The following MLH3 variants were observed in gnomAD, a reference collection of about 807,000 sequenced individuals.
MLH3 encodes mutL homolog 3, also known as DNA mismatch repair protein Mlh3.
In MLH3, 82 loss-of-function variants were observed where a neutral mutation model predicts 122.2. The observed-to-expected ratio is 0.67, with a 90% confidence interval of 0.56 to 0.81. MLH3 has a LOEUF of 0.81. Among genes scored for constraint, MLH3 ranks in the 30% least tolerant of loss-of-function variants. The pLI is 0.00. For synonymous variants in MLH3, 524 were observed against 599.5 expected, an observed-to-expected ratio of 0.87 and a Z score of 1.84; for missense variants, 1,539 against 1,714.5, an observed-to-expected ratio of 0.90 and a Z score of 1.81.
rs768009140 is a variant in MLH3 at position 75,047,917 on chromosome 14, T to C, written c.1739A>G (p.Glu580Gly). The part of the protein sequence containing the change: ...TLWGVHSAQT[E>G]KEKKKESSNC... ...GCTAGATTCTTTTTTTTTCTCTTTCTCTGTCTGAGCACTATGTACTCCCCA... is the reference window on the plus strand; with the variant it reads ...GCTAGATTCTTTTTTTTTCTCTTTCCCTGTCTGAGCACTATGTACTCCCCA... The change falls in exon 2 of 13, where the codon GAG (glutamate) becomes GGG (glycine). Residue 580 changes from glutamate (E) to glycine (G), a missense_variant. Glu to Gly is a moderately conservative substitution (Grantham distance 98). Transcript: ENST00000355774. 6.2e-6 allele frequency: 10 copies of C among 1,613,690 alleles called. No homozygotes were observed. In the African/African-American group the frequency reaches 1.1e-4, roughly 17 times the overall value.
At chr14:75,022,768 C>T in intron 11 of MLH3, 46 bp downstream of exon 11, 2 of 1,552,108 alleles carry the variant, frequency 1.3e-6, no homozygotes, top group Non-Finnish European at 1.8e-6. Context: ...CCTGCCAGGG[C>T]TCTGCATGCA....
Position 75,023,031 on chromosome 14 carries a change from AGGAAAATC to A in MLH3, c.3988-21_3988-14del. 1 of 1,614,210 alleles carries A rather than the reference AGGAAAATC, an allele frequency of 6.2e-7. No homozygotes were observed. Among genetic ancestry groups the A allele is most frequent in the African/African-American group, 1.3e-5 (1 of 75,060 alleles). Reference sequence around the variant, plus strand: ...CTCGGATAAATTCCTGCAAAGCAAAAGGAAAATCGGCTTTAATCTACGGTTATGTTTTA... The same window carrying A: ...CTCGGATAAATTCCTGCAAAGCAAAAGGCTTTAATCTACGGTTATGTTTTA... On this transcript the variant is annotated splice_polypyrimidine_tract_variant and intron_variant, in intron 9 of 12. Coordinates refer to ENST00000355774, the MANE Select transcript of MLH3 (RefSeq NM_001040108.2).
At chr14:75,036,327 T>C (rs1022414544) in intron 6 of MLH3, among the ~76,000 whole-genome samples, 15 of 151,732 alleles carry the variant, frequency 9.9e-5, no homozygotes, top group Admixed American at 9.2e-4. Context: ...ACTTGTAATA[T>C]CCAACCACAT....
At chr14:75,034,210 CAA>C in intron 6 of MLH3, among the ~76,000 whole-genome samples, 1 of 145,488 alleles carries the variant, frequency 6.9e-6, no homozygotes, top group East Asian at 2.0e-4. Flanking sequence ...AAAAAAAAGT[CAA>C]AGTGGCATTT....
At position 75,041,635 on chromosome 14, in the gene MLH3, C is replaced by T; in HGVS notation, c.3445G>A (p.Val1149Ile). 7 of 1,613,480 alleles carry T rather than the reference C, an allele frequency of 4.3e-6. No homozygotes were observed. The highest frequency in any genetic ancestry group is 5.9e-6 in the Non-Finnish European group (7 of 1,179,712). ...QSLFSEWDNPVFARYPEVAVD... is the reference protein window; with the variant it reads ...QSLFSEWDNPIFARYPEVAVD... ...CCCACCTCTGGATAACGGGCAAATA[C>T]TGGATTGTCCCATTCTGAGAACAAA... Residue 1149 changes from valine to isoleucine, a missense_variant, in exon 4 of 13, where the codon GTA (valine) becomes ATA (isoleucine). Coordinates refer to ENST00000355774, the MANE Select transcript of MLH3 (RefSeq NM_001040108.2).
chr14:75,030,719 A>C lies in MLH3; in HGVS notation c.3828-17T>G, dbSNP rs1377820706. On this transcript the variant is annotated splice_polypyrimidine_tract_variant and intron_variant, in intron 8 of 12. Coordinates refer to ENST00000355774, the MANE Select transcript of MLH3 (RefSeq NM_001040108.2). The stretch of plus-strand genomic sequence containing the variant: ...TGGTAACACCTAAAGAGATAACCTC[A>C]AATGTTAAAAAAAAAAAGAGTGCTA... The C allele has an allele frequency of 6.2e-7, 1 of 1,608,852 alleles. No individual in the cohort carries two copies. The highest frequency in any genetic ancestry group is 1.3e-5 in the African/African-American group (1 of 74,738).
At chr14:75,035,214 G>C (rs1012552567) in intron 6 of MLH3, among the ~76,000 whole-genome samples, 6 of 151,234 alleles carry the variant, frequency 4.0e-5, no homozygotes, top group African/African-American at 1.5e-4. Context: ...AAGAATTCCA[G>C]ATAATGAAAA....
intron 9 of MLH3, among the ~76,000 whole-genome samples, chr14:75,025,594 T>C (rs1890577800): frequency 6.6e-6 from 1 of 152,146 alleles, no homozygotes; most frequent in African/African-American, 2.4e-5. Flanking sequence ...CTCTTTTGTC[T>C]CTTCCTTTTC....
rs1261432565 is a variant in MLH3, at chr14:75,046,987, A to T, written c.2669T>A (p.Met890Lys). ...TTCATTAAAACGACTCATCATCCCC[A>T]TTGTTTGAGTTTCTCTTTCGGAACC... ...LKGSERETQT[M>K]GMMSRFNELP... The change falls in exon 2 of 13, where the codon ATG becomes AAG. Residue 890 changes from methionine (M) to lysine (K), a missense_variant. Transcript: ENST00000355774. 1 of 1,614,006 alleles carries T rather than the reference A, an allele frequency of 6.2e-7. No individual in the cohort carries two copies. Among genetic ancestry groups the T allele is most frequent in the Non-Finnish European group, 8.5e-7 (1 of 1,180,024 alleles).
At chr14:75,036,972 A>C (rs1040731078) in intron 6 of MLH3, among the ~76,000 whole-genome samples, 11 of 152,136 alleles carry the variant, frequency 7.2e-5, no homozygotes, top group African/African-American at 2.7e-4. Context: ...TCCACACTAC[A>C]ACCAGAGCAA....
Position 75,049,126 on chromosome 14 carries a change from G to C in MLH3, c.530C>G (p.Ala177Gly), listed in dbSNP as rs1483689262. 6.2e-7 allele frequency: 1 copy of C among 1,614,152 alleles called. No homozygotes were observed. Among genetic ancestry groups the C allele is most frequent in the South Asian group, 1.1e-5 (1 of 91,084 alleles). The change falls in exon 2 of 13, where the codon GCT becomes GGT. Residue 177 changes from alanine (A) to glycine (G), a missense_variant. By Grantham distance (60) the Ala-to-Gly change is moderately conservative (BLOSUM62 0). Coordinates refer to ENST00000355774, the MANE Select transcript of MLH3 (RefSeq NM_001040108.2). ...AATGGAAGGGTGCATGAGTGAGAGA[G>C]CTTCTATTCTCTGCCTAACCTTCTC... ...EFEKVRQRIE[A>G]LSLMHPSISF...
chr14:75,019,090 T>C, intron 11 of MLH3, 110 bp from the exon 12 acceptor site: 2 of 1,006,610 alleles, frequency 2.0e-6, no homozygotes, highest in Non-Finnish European at 3.0e-6. Context: ...CTTAGGCTTC[T>C]TTAATGAAGC....
At chr14:75,027,664 TAA>T (rs56986784) in intron 9 of MLH3, among the ~76,000 whole-genome samples, 33 of 30,908 alleles carry the variant, frequency 1.1e-3, no homozygotes, top group African/African-American at 4.2e-3. Context: ...TTTACTTCAG[TAA>T]AAAAAAAAAA....
At position 75,047,454 on chromosome 14, in the gene MLH3, A is replaced by G; in HGVS notation, c.2202T>C (p.Ile734=). ...SNDSRKTDKL[I]GFSKPIVRKK... is the part of the protein sequence containing the mutation. ...TACGGACGATTGGTTTGGAGAAACCAATTAATTTATCTGTTTTCCTACTAT... is the reference window on the plus strand; with the variant it reads ...TACGGACGATTGGTTTGGAGAAACCGATTAATTTATCTGTTTTCCTACTAT... The change falls in exon 2 of 13, where the codon ATT becomes ATC. Residue 734 remains isoleucine (I), a synonymous_variant. Transcript: ENST00000355774. 4 of 1,614,108 alleles carry G rather than the reference A, an allele frequency of 2.5e-6. No homozygotes were observed. Among genetic ancestry groups the G allele is most frequent in the Non-Finnish European group, 3.4e-6 (4 of 1,179,998 alleles).
intron 11 of MLH3, among the ~76,000 whole-genome samples, chr14:75,021,539 AAAG>A (rs1235933176): frequency 3.3e-5 from 5 of 152,366 alleles, no homozygotes; most frequent in Non-Finnish European, 5.9e-5. Context: ...ACACTTCTCA[AAAG>A]AAGACATACA....
At chr14:75,050,885 T>A (rs1892608983) in intron 1 of MLH3, 1 of 152,188 alleles carries the variant, frequency 6.6e-6, no homozygotes, top group African/African-American at 2.4e-5. Flanking sequence ...GGTCTCCCCT[T>A]CTTCTCCATC....
Position 75,030,717 on chromosome 14 carries a change from T to G in MLH3, c.3828-15A>C, listed in dbSNP as rs200169541. On this transcript the variant is annotated splice_polypyrimidine_tract_variant and intron_variant, in intron 8 of 12. Transcript: ENST00000355774. ...TGTGGTAACACCTAAAGAGATAACC[T>G]CAAATGTTAAAAAAAAAAAGAGTGC... 1.2e-4 allele frequency: 188 copies of G among 1,606,228 alleles called. No individual in the cohort carries two copies. Among genetic ancestry groups the G allele is most frequent in the Non-Finnish European group, 1.5e-4 (181 of 1,173,326 alleles).
At chr14:75,040,168 G>A (rs745956716) in intron 4 of MLH3, among the ~76,000 whole-genome samples, 153 bp from the exon 5 acceptor site, 43 of 151,468 alleles carry the variant, frequency 2.8e-4, no homozygotes, top group Admixed American at 9.9e-4. Context: ...CAAAAGAATC[G>A]GCCGGGCGTG....
rs1410225237 is a variant in MLH3 at position 75,048,233 on chromosome 14, T to C, written c.1423A>G (p.Thr475Ala). 1 of 1,613,664 alleles carries C rather than the reference T, an allele frequency of 6.2e-7. No individual in the cohort carries two copies. The highest frequency in any genetic ancestry group is 1.3e-5 in the African/African-American group (1 of 74,910). Residue 475 changes from threonine (T) to alanine (A), a missense_variant, in exon 2 of 13, where the codon ACA becomes GCA. Thr to Ala is a moderately conservative substitution (Grantham distance 58). Coordinates refer to ENST00000355774, the MANE Select transcript of MLH3 (RefSeq NM_001040108.2). ...CSESKMLEQE[T>A]IVASEAGENE... Reference sequence around the variant, plus strand: ...TCTCCAGCTTCTGATGCTACAATTGTCTCTTGTTCTAACATCTTTGATTCT... The same window carrying C: ...TCTCCAGCTTCTGATGCTACAATTGCCTCTTGTTCTAACATCTTTGATTCT...
Sources: allele counts gnomAD v4.1 joint callset (sites outside exome capture counted in the v4.1 genomes callset), GRCh38; gene constraint gnomAD v4.1.1; transcripts MANE v1.5; gene names NCBI Gene and HGNC (gene_info 2026-07-23, HGNC 2026-07-21).